Variants in PITPNC1 observed in about 807,000 individuals in gnomAD.
PITPNC1 encodes phosphatidylinositol transfer protein cytoplasmic 1.
Under a neutral mutation model 44.7 loss-of-function variants are expected in PITPNC1, and 18 were observed. That is an observed-to-expected ratio of 0.40 (90% confidence interval 0.28 to 0.60). The LOEUF (loss-of-function observed/expected upper bound fraction) is 0.60, where lower values mean the gene tolerates loss of function less well. Ranked by LOEUF, PITPNC1 falls within the 20% of genes least tolerant of loss-of-function variation. The probability of loss-of-function intolerance (pLI) is 0.39; values close to 1 mark genes in which losing one functional copy is unlikely to be tolerated. For missense variants in PITPNC1, 290 were observed against 418.4 expected (o/e 0.69, Z 2.68); for synonymous variants, 141 against 149.6 (o/e 0.94, Z 0.42).
intron 5 of PITPNC1, among the ~76,000 whole-genome samples, chr17:67,621,824 T>G (rs2041833275): frequency 6.6e-6 from 1 of 152,026 alleles, no homozygotes; most frequent in Admixed American, 6.6e-5. Context: ...AGACCAAAAA[T>G]GGTTCTGAGG....
intron 1 of PITPNC1, among the ~76,000 whole-genome samples, chr17:67,514,742 C>A (rs953842362): frequency 1.3e-5 from 2 of 152,084 alleles, no homozygotes; most frequent in African/African-American, 4.8e-5. Flanking sequence ...ACGAGAATCG[C>A]TTGAACCTGG....
At chr17:67,396,354 TTTTTTA>T (rs1250727239) in intron 1 of PITPNC1, among the ~76,000 whole-genome samples, 1 of 152,170 alleles carries the variant, frequency 6.6e-6, no homozygotes, top group Non-Finnish European at 1.5e-5. Context: ...AACCATCTTA[TTTTTTA>T]TTTTTATTTT....
intron 1 of PITPNC1, among the ~76,000 whole-genome samples, chr17:67,472,882 A>ATT (rs113115701): frequency 6.2e-5 from 9 of 144,588 alleles, no homozygotes; most frequent in African/African-American, 7.6e-5. Flanking sequence ...TTAATGTGGT[A>ATT]TTTTTTTTTT....
At chr17:67,380,890 C>CA (rs1177082122) in intron 1 of PITPNC1, among the ~76,000 whole-genome samples, 1 of 152,098 alleles carries the variant, frequency 6.6e-6, no homozygotes, top group Admixed American at 6.6e-5. Flanking sequence ...CCTCCCATCT[C>CA]AGCCTCCTGA....
chr17:67,622,256 CAAAAAA>C (rs536282843), intron 5 of PITPNC1, among the ~76,000 whole-genome samples: 2 of 91,764 alleles, frequency 2.2e-5, no homozygotes, highest in African/African-American at 3.7e-5. Context: ...GACTGCATCT[CAAAAAA>C]AAAAAAAAAA....
chr17:67,387,940 C>T (rs550263905), intron 1 of PITPNC1, among the ~76,000 whole-genome samples: 3 of 152,234 alleles, frequency 2.0e-5, no homozygotes, highest in South Asian at 2.1e-4. Context: ...TTTCACTGGC[C>T]GCTCTGCAGT....
chr17:67,557,185 GC>G (rs1344845755), intron 4 of PITPNC1, among the ~76,000 whole-genome samples: 2 of 152,100 alleles, frequency 1.3e-5, no homozygotes, highest in African/African-American at 4.8e-5. Flanking sequence ...TTCTTGCTAT[GC>G]CCTCACATGG....
At chr17:67,637,287 C>T (rs1435383158) in intron 6 of PITPNC1, among the ~76,000 whole-genome samples, 1 of 147,094 alleles carries the variant, frequency 6.8e-6, no homozygotes, top group African/African-American at 2.5e-5. Context: ...ATCAGAGTTC[C>T]TTTTTTTTTT....
intron 1 of PITPNC1, among the ~76,000 whole-genome samples, chr17:67,452,888 C>T (rs374373176): frequency 6.6e-6 from 1 of 152,158 alleles, no homozygotes; most frequent in African/African-American, 2.4e-5. Flanking sequence ...AACATATGAG[C>T]GTTTTGGGTT....
intron 1 of PITPNC1, among the ~76,000 whole-genome samples, chr17:67,406,888 C>CA (rs1376726162): frequency 2.0e-5 from 3 of 152,122 alleles, no homozygotes; most frequent in Non-Finnish European, 4.4e-5. Context: ...TGCCTGGCCT[C>CA]ATGGCTTAAT....
chr17:67,451,992 G>A (rs2039185028), intron 1 of PITPNC1, among the ~76,000 whole-genome samples: 1 of 151,456 alleles, frequency 6.6e-6, no homozygotes, highest in Admixed American at 6.6e-5. Flanking sequence ...GTTGTTGAAT[G>A]CATCAGTGGT....
chr17:67,412,819 G>T (rs1232326139), intron 1 of PITPNC1, among the ~76,000 whole-genome samples: 1 of 152,182 alleles, frequency 6.6e-6, no homozygotes, highest in African/African-American at 2.4e-5. Context: ...TCCCGCTTTG[G>T]CCTCCCAAAG....
Position 67,670,477 on chromosome 17 carries a change from G to A in PITPNC1, c.618+814G>A, listed in dbSNP as rs73997217. Among the ~76,000 whole-genome samples the A allele has an allele frequency of 2.8e-3, 426 of 152,322 alleles. 2 individuals are homozygous for A. The highest frequency in any genetic ancestry group is 9.5e-3 in the African/African-American group (395 of 41,578). ...TCTGTTACTAAAGTAGCCAGGTGTGGTGGCTCATGCCTGTAATACCAGCCC... is the reference window on the plus strand; with the variant it reads ...TCTGTTACTAAAGTAGCCAGGTGTGATGGCTCATGCCTGTAATACCAGCCC... On this transcript the variant is annotated intron_variant, in intron 7 of 8. Transcript: ENST00000581322.
rs749024248 is a variant in PITPNC1 at position 67,447,089 on chromosome 17, CAAAAAA to C, written c.48+68909_48+68914del. 2.5e-4 allele frequency among the ~76,000 whole-genome samples: 9 copies of C among 35,346 alleles called. No homozygotes were observed. The East Asian group carries it at 4.1e-3, about 16-fold the overall frequency. 23.2% of individuals were successfully genotyped at this position (35,346 alleles called of 152,430 possible). A position where few individuals can be genotyped will look rare whatever the true frequency, so the allele number is the denominator to read the frequency against. On this transcript the variant is annotated intron_variant, in intron 1 of 8. Transcript: ENST00000581322. ...TGGGCCATAGAGTGAGACTCTGTCTCAAAAAAAAAAAAAAAAAAAAAAAAAAAGAAT... is the reference window on the plus strand; with the variant it reads ...TGGGCCATAGAGTGAGACTCTGTCTCAAAAAAAAAAAAAAAAAAAAAGAAT...
At chr17:67,691,941 C>G (rs1405190481) in intron 8 of PITPNC1, among the ~76,000 whole-genome samples, 1 of 151,328 alleles carries the variant, frequency 6.6e-6, no homozygotes, top group East Asian at 1.9e-4. Flanking sequence ...CCCAGGAGGT[C>G]GAGACTGCCG....
intron 5 of PITPNC1, among the ~76,000 whole-genome samples, chr17:67,579,087 A>C (rs1427530609): frequency 6.6e-6 from 1 of 152,258 alleles, no homozygotes; most frequent in African/African-American, 2.4e-5. Flanking sequence ...CACACATCCT[A>C]CCTTAAAATC....
At chr17:67,641,617 C>A (rs1435799545) in intron 6 of PITPNC1, among the ~76,000 whole-genome samples, 2 of 151,816 alleles carry the variant, frequency 1.3e-5, no homozygotes, top group East Asian at 3.9e-4. Context: ...GGCAACATGG[C>A]AAAACCCCAT....
At chr17:67,624,237 G>T (rs1442061185) in intron 5 of PITPNC1, among the ~76,000 whole-genome samples, 1 of 127,416 alleles carries the variant, frequency 7.8e-6, no homozygotes, top group African/African-American at 3.1e-5. Flanking sequence ...TTTTCCTCAG[G>T]GTTTCACTCT....
At chr17:67,512,511 A>C (rs2949932) in intron 1 of PITPNC1, among the ~76,000 whole-genome samples, 3 of 150,702 alleles carry the variant, frequency 2.0e-5, no homozygotes, top group Admixed American at 1.3e-4. Context: ...AAAAAAAAAA[A>C]AAAAAAAAAA....
Sources: gnomAD v4.1 joint callset for allele counts (sites outside exome capture counted in the v4.1 genomes callset) on GRCh38, gnomAD v4.1.1 for gene constraint, MANE v1.5 for transcripts, NCBI Gene and HGNC (gene_info 2026-07-23, HGNC 2026-07-21) for gene names.